The following SNX14 variants were observed in gnomAD, a reference collection of about 807,000 sequenced individuals.
The protein encoded by SNX14 is sorting nexin-14.
SNX14 carries 93 observed loss-of-function variants against 133.8 expected under a neutral mutation model. The ratio of observed to expected loss-of-function variants is 0.70; its 90% confidence interval spans 0.59 to 0.83. The LOEUF (loss-of-function observed/expected upper bound fraction) is 0.83. Ranked by LOEUF, SNX14 falls within the 40% of genes least tolerant of loss-of-function variation. The probability of loss-of-function intolerance (pLI) is 0.00; values close to 1 mark genes in which losing one functional copy is unlikely to be tolerated. For synonymous variants in SNX14, 368 were observed against 365.6 expected (o/e 1.01, Z -0.07); for missense variants, 945 against 1,094.9 (o/e 0.86, Z 1.93).
At chr6:85,543,047 C>A in intron 14 of SNX14, 135 bp downstream of exon 14, 1 of 878,462 alleles carries the variant, frequency 1.1e-6, no homozygotes, top group Admixed American at 3.4e-5. Flanking sequence ...GGATTATAGG[C>A]GTGAGCAACT....
At position 85,547,546 on chromosome 6, in the gene SNX14, G is replaced by A; in HGVS notation, c.872C>T (p.Thr291Ile). 1 of 1,598,518 alleles carries A rather than the reference G, an allele frequency of 6.3e-7. No homozygotes were observed. The highest frequency in any genetic ancestry group is 8.5e-7 in the Non-Finnish European group (1 of 1,174,102). The change falls in exon 10 of 29, where the codon ACT becomes ATT. Residue 291 changes from threonine (T) to isoleucine (I), a missense_variant. Around this residue, in one of 3 missense-constraint regions of SNX14, gnomAD observed 514 missense variants for 538.8 expected, o/e 0.95. Coordinates refer to ENST00000314673, the MANE Select transcript of SNX14 (RefSeq NM_153816.6). ...GAAGATGATAAGCAAATGATTCACA[G>A]TATCCTAGTGGAAAATAATAAACAT... is the stretch of plus-strand genomic sequence containing the variant. The part of the protein sequence containing the change: ...PSLDFLADPD[T>I]VNHLLIIFID...
intron 26 of SNX14, 101 bp from the exon 27 acceptor site, chr6:85,508,160 G>A (rs1393781831): frequency 6.1e-6 from 9 of 1,465,112 alleles, no homozygotes; most frequent in Non-Finnish European, 8.1e-6. Context: ...CCAGATACTA[G>A]GCAAAAACTG....
intron 15 of SNX14, among the ~76,000 whole-genome samples, chr6:85,539,275 T>G (rs1413841173): frequency 6.6e-6 from 1 of 152,194 alleles, no homozygotes; most frequent in Non-Finnish European, 1.5e-5. Flanking sequence ...GTGGAAAGTA[T>G]GCAGAGACTG....
intron 21 of SNX14, 75 bp from the exon 22 acceptor site, chr6:85,518,123 G>A: frequency 8.2e-7 from 1 of 1,216,300 alleles, no homozygotes; most frequent in Admixed American, 2.3e-5. Flanking sequence ...TACTTAACCA[G>A]GTAATTTTAA....
chr6:85,565,487 G>A (rs1458310310), intron 5 of SNX14, 68 bp from the exon 6 acceptor site: 2 of 1,223,344 alleles, frequency 1.6e-6, no homozygotes, highest in Non-Finnish European at 2.3e-6. Flanking sequence ...TACAATCCAA[G>A]GGAAAATTTT....
At chr6:85,576,355 C>T (rs1045462463) in intron 1 of SNX14, among the ~76,000 whole-genome samples, 17 of 152,154 alleles carry the variant, frequency 1.1e-4, no homozygotes, top group African/African-American at 4.1e-4. Flanking sequence ...ATCTCCCTCA[C>T]TCAAGACTGG....
intron 14 of SNX14, among the ~76,000 whole-genome samples, chr6:85,542,478 T>C (rs1784066746): frequency 6.6e-6 from 1 of 152,212 alleles, no homozygotes; most frequent in African/African-American, 2.4e-5. Flanking sequence ...CACTGCAAGC[T>C]CCGCCTCCCG....
At position 85,574,330 on chromosome 6, in the gene SNX14, G is replaced by A; in HGVS notation, c.189C>T (p.Val63=). 3 of 1,583,826 alleles carry A rather than the reference G, an allele frequency of 1.9e-6. No individual in the cohort carries two copies. The highest frequency in any genetic ancestry group is 2.6e-6 in the Non-Finnish European group (3 of 1,154,918). Residue 63 remains valine (V), a synonymous_variant, in exon 2 of 29, where the codon GTC becomes GTT. Transcript: ENST00000314673. ...MIFWSFVAGV[V]TFYCSLGPDS... is the part of the protein sequence containing the mutation. ...CAGGTCCTAGTGAGCAGTAGAATGT[G>A]ACAACTCCAGCAACAAATGACCAGA...
intron 1 of SNX14, among the ~76,000 whole-genome samples, chr6:85,585,976 A>G (rs1348520065): frequency 7.2e-6 from 1 of 138,160 alleles, no homozygotes; most frequent in Non-Finnish European, 1.6e-5. Context: ...TTCTTGCACC[A>G]CTCCCCGCAA....
intron 15 of SNX14, 63 bp from the exon 16 acceptor site, chr6:85,538,927 T>C (rs761925043): frequency 6.2e-5 from 87 of 1,394,432 alleles, no homozygotes; most frequent in Non-Finnish European, 7.8e-5. Flanking sequence ...AGATATTATA[T>C]AAACTTCATT....
At chr6:85,578,266 T>C (rs954898255) in intron 1 of SNX14, among the ~76,000 whole-genome samples, 2 of 152,070 alleles carry the variant, frequency 1.3e-5, no homozygotes, top group Non-Finnish European at 2.9e-5. Flanking sequence ...CATAGAAGGA[T>C]GAATATGCAG....
chr6:85,591,250 A>G (rs1479760537), intron 1 of SNX14, among the ~76,000 whole-genome samples: 1 of 151,744 alleles, frequency 6.6e-6, no homozygotes, highest in Non-Finnish European at 1.5e-5. Context: ...GTGAATACAC[A>G]CATAAGTTTT....
chr6:85,507,777 T>A (rs1293392027), intron 27 of SNX14, among the ~76,000 whole-genome samples, 191 bp downstream of exon 27: 2 of 152,180 alleles, frequency 1.3e-5, no homozygotes, highest in Non-Finnish European at 2.9e-5. Context: ...TCAAAATAAT[T>A]CATCTTATTT....
At chr6:85,529,092 C>T (rs1012587284) in intron 19 of SNX14, among the ~76,000 whole-genome samples, 8 of 151,380 alleles carry the variant, frequency 5.3e-5, no homozygotes, top group African/African-American at 1.9e-4. Context: ...GAAACCCTGT[C>T]TCTACTAAAA....
At chr6:85,567,700 A>T (rs983761680) in intron 4 of SNX14, 123 bp from the exon 5 acceptor site, 3 of 590,854 alleles carry the variant, frequency 5.1e-6, no homozygotes, top group Non-Finnish European at 5.5e-6. Context: ...TAGTGACAGT[A>T]GGCGGTGAGC....
At chr6:85,549,996 C>T in intron 7 of SNX14, 117 bp from the exon 8 acceptor site, 2 of 871,864 alleles carry the variant, frequency 2.3e-6, no homozygotes, top group Non-Finnish European at 3.4e-6. Context: ...CCTGTAATCC[C>T]AGCATTTTGT....
At chr6:85,518,204 A>C (rs1775703054) in intron 21 of SNX14, among the ~76,000 whole-genome samples, 156 bp from the exon 22 acceptor site, 1 of 152,216 alleles carries the variant, frequency 6.6e-6, no homozygotes, top group African/African-American at 2.4e-5. Context: ...GGAAATTTTC[A>C]ATAAATATGG....
chr6:85,522,840 T>C (rs764312126), intron 21 of SNX14, among the ~76,000 whole-genome samples: 6 of 152,196 alleles, frequency 3.9e-5, no homozygotes, highest in Non-Finnish European at 5.9e-5. Flanking sequence ...ACTCCAAACA[T>C]TACCAGCTGA....
At chr6:85,549,629 C>A in intron 8 of SNX14, 94 bp downstream of exon 8, 2 of 1,061,694 alleles carry the variant, frequency 1.9e-6, no homozygotes, top group African/African-American at 1.6e-5. Context: ...ATAGGCTAAC[C>A]TCAAATTTTA....
Sources: allele counts gnomAD v4.1 joint callset (sites outside exome capture counted in the v4.1 genomes callset), GRCh38; gene constraint gnomAD v4.1.1; regional missense constraint gnomAD v4.1.1; transcripts MANE v1.5; gene names NCBI Gene and HGNC (gene_info 2026-07-23, HGNC 2026-07-21).